The following PDS5A variants were observed in gnomAD, a reference collection of about 807,000 sequenced individuals.
PDS5A encodes the protein PDS5 cohesin associated factor A.
In PDS5A, 42 loss-of-function variants were observed where a neutral mutation model predicts 167.1. The observed-to-expected ratio is 0.25, with a 90% CI of 0.20 to 0.33. The LOEUF (loss-of-function observed/expected upper bound fraction) is 0.33. Ranked by LOEUF, PDS5A falls within the 10% of genes least tolerant of loss-of-function variation. The pLI, the probability that PDS5A is intolerant of heterozygous loss-of-function variation, is 1.00. For missense variants in PDS5A, 1,033 were observed against 1,605.9 expected, an observed-to-expected ratio of 0.64 and a Z score of 6.10; for synonymous variants, 553 against 554.6, an observed-to-expected ratio of 1.00 and a Z score of 0.04.
At chr4:39,915,179 C>G (rs183850372) in intron 8 of PDS5A, among the ~76,000 whole-genome samples, 1 of 151,810 alleles carries the variant, frequency 6.6e-6, no homozygotes, top group East Asian at 1.9e-4. Context: ...GCTGGACATA[C>G]AGGTGTGCAT....
chr4:39,844,695 A>C lies in PDS5A; in HGVS notation c.3509T>G (p.Val1170Gly). ...TGTETGSNINVNSELNPSTGN... is the reference protein window; with the variant it reads ...TGTETGSNINGNSELNPSTGN... The stretch of plus-strand genomic sequence containing the variant: ...GGTTGAAGGGTTCAGCTCTGAATTT[A>C]CATTAATATTGCTTCCAGTCTCAGT... The change falls in exon 30 of 33, where the codon GTA becomes GGA. Residue 1170 changes from valine (V) to glycine (G), a missense_variant. Physicochemically the swap from Val to Gly is moderately radical, Grantham distance 109 (BLOSUM62 -3). Around this residue, in one of 4 missense-constraint regions of PDS5A, gnomAD observed 233 missense variants for 264.0 expected, o/e 0.88. Transcript: ENST00000303538. 1 of 1,612,872 alleles carries C rather than the reference A, an allele frequency of 6.2e-7. No homozygotes were observed. The highest frequency in any genetic ancestry group is 1.1e-5 in the South Asian group (1 of 90,812).
intron 26 of PDS5A, among the ~76,000 whole-genome samples, chr4:39,852,567 T>C (rs1022994865): frequency 6.6e-6 from 1 of 152,160 alleles, no homozygotes; most frequent in South Asian, 2.1e-4. Context: ...CCAAGAATGC[T>C]TGCCTTGCAT....
chr4:39,842,939 T>TATATATATATATATATATA (rs1560419736), intron 30 of PDS5A, among the ~76,000 whole-genome samples: 11 of 31,852 alleles, frequency 3.5e-4, no homozygotes, highest in African/African-American at 1.8e-3. Context: ...ATATATATAT[T>TATATATATATATATATATA]TTAAGAGACA....
chr4:39,941,048 C>G (rs1305017478), intron 2 of PDS5A, among the ~76,000 whole-genome samples: 1 of 152,178 alleles, frequency 6.6e-6, no homozygotes, highest in Non-Finnish European at 1.5e-5. Context: ...TTCAGGATTG[C>G]CAATCTAATA....
At position 39,823,652 on chromosome 4, in the gene PDS5A, ACT is replaced by A. The variant is rs1026618134; in HGVS notation, c.*1831_*1832del. The A allele has an allele frequency of 2.0e-5, 3 of 152,362 alleles. No individual in the cohort carries two copies. The highest frequency in any genetic ancestry group is 7.2e-5 in the African/African-American group (3 of 41,412). The allele number at this position is 152,362 out of a possible 1,614,324, so 9.4% of individuals were successfully genotyped here. A position where few individuals can be genotyped will look rare whatever the true frequency, so the allele number is the denominator to read the frequency against. ...ACTTCTCTGATACTTATGCATAGAT[ACT>A]CTTTTTCAGCATGTTGGAGGCAATA... On this transcript the variant is annotated 3_prime_UTR_variant, in exon 33 of 33. Transcript: ENST00000303538.
At chr4:39,898,748 A>T (rs374409047) in intron 15 of PDS5A, 29 bp downstream of exon 15, 39 of 1,410,164 alleles carry the variant, frequency 2.8e-5, no homozygotes, top group Non-Finnish European at 3.9e-5. Context: ...CGTTTACTAC[A>T]TGTTTAGTGA....
At chr4:39,850,068 C>T (rs549456125) in intron 26 of PDS5A, among the ~76,000 whole-genome samples, 8 of 151,900 alleles carry the variant, frequency 5.3e-5, no homozygotes, top group South Asian at 2.1e-4. Context: ...GTCAGGAGAT[C>T]GAGACCATCC....
At chr4:39,855,440 C>T (rs1458678827) in intron 26 of PDS5A, among the ~76,000 whole-genome samples, 2 of 152,070 alleles carry the variant, frequency 1.3e-5, no homozygotes, top group Non-Finnish European at 2.9e-5. Context: ...CGAAAAACTA[C>T]AAATCACATA....
chr4:39,875,907 A>C (rs1247807737), intron 19 of PDS5A, among the ~76,000 whole-genome samples: 2 of 152,110 alleles, frequency 1.3e-5, no homozygotes, highest in East Asian at 1.9e-4. Context: ...AGTCAACTTT[A>C]ACCTTTCTTC....
At chr4:39,854,167 G>A (rs950911776) in intron 26 of PDS5A, among the ~76,000 whole-genome samples, 3 of 152,130 alleles carry the variant, frequency 2.0e-5, no homozygotes, top group East Asian at 1.9e-4. Context: ...GCTGGGCATC[G>A]TGGTGCATGC....
intron 21 of PDS5A, among the ~76,000 whole-genome samples, chr4:39,871,658 C>T (rs1720041967): frequency 6.6e-6 from 1 of 152,138 alleles, no homozygotes; most frequent in Admixed American, 6.5e-5. Flanking sequence ...TATTCAATAA[C>T]AACAGATTTA....
intron 13 of PDS5A, 127 bp from the exon 14 acceptor site, chr4:39,900,634 C>A: frequency 9.8e-6 from 6 of 612,060 alleles, no homozygotes; most frequent in Non-Finnish European, 1.8e-5. Context: ...GTTTAAATAC[C>A]GGGAAATATA....
chr4:39,897,351 T>C (rs1722503454), intron 16 of PDS5A, among the ~76,000 whole-genome samples: 1 of 152,100 alleles, frequency 6.6e-6, no homozygotes, highest in Non-Finnish European at 1.5e-5. Flanking sequence ...GGTGAGATAA[T>C]CACTTGAAGG....
intron 2 of PDS5A, among the ~76,000 whole-genome samples, chr4:39,974,879 T>C (rs1257403481): frequency 1.3e-5 from 2 of 152,070 alleles, no homozygotes; most frequent in African/African-American, 4.8e-5. Context: ...GGGAGGCCGA[T>C]GCAGGCAGAT....
At chr4:39,915,840 T>C (rs1220115256) in intron 8 of PDS5A, among the ~76,000 whole-genome samples, 1 of 152,226 alleles carries the variant, frequency 6.6e-6, no homozygotes, top group East Asian at 1.9e-4. Context: ...GTAACTGTTT[T>C]AGTAAATCAG....
At chr4:39,908,107 A>G (rs1039539550) in intron 11 of PDS5A, among the ~76,000 whole-genome samples, 1 of 152,204 alleles carries the variant, frequency 6.6e-6, no homozygotes, top group African/African-American at 2.4e-5. Context: ...TTTGAAACTC[A>G]TCATGTAAAT....
intron 16 of PDS5A, among the ~76,000 whole-genome samples, chr4:39,896,621 C>T (rs1198742148): frequency 1.3e-5 from 2 of 151,862 alleles, no homozygotes; most frequent in Non-Finnish European, 2.9e-5. Flanking sequence ...AAAAAATTAG[C>T]TGGGCATGGT....
At chr4:39,914,163 T>TG in intron 8 of PDS5A, among the ~76,000 whole-genome samples, 1 of 48,816 alleles carries the variant, frequency 2.0e-5, no homozygotes, top group Non-Finnish European at 6.1e-5. Context: ...TACAAATTTG[T>TG]TTTTTTTTTT....
intron 2 of PDS5A, among the ~76,000 whole-genome samples, chr4:39,961,025 G>T (rs1212753438): frequency 6.9e-6 from 1 of 145,148 alleles, no homozygotes; most frequent in Non-Finnish European, 1.5e-5. Context: ...GGTCTCACCG[G>T]CCTTGAACTC....
Sources: allele counts gnomAD v4.1 joint callset (sites outside exome capture counted in the v4.1 genomes callset), GRCh38; gene constraint gnomAD v4.1.1; regional missense constraint gnomAD v4.1.1; transcripts MANE v1.5; gene names NCBI Gene and HGNC (gene_info 2026-07-23, HGNC 2026-07-21).